Variants in DAB1 observed in about 807,000 individuals in gnomAD.
DAB1 encodes disabled homolog 1.
In DAB1, 15 loss-of-function variants were observed where a neutral mutation model predicts 64.6. That is an observed-to-expected ratio of 0.23 (90% CI 0.16 to 0.36). The LOEUF is 0.36. Ranked by LOEUF, DAB1 falls within the 10% of genes least tolerant of loss-of-function variation. DAB1 has a pLI of 1.00. For missense variants in DAB1, 596 were observed against 706.7 expected (o/e 0.84, Z 1.78); for synonymous variants, 235 against 251.9 (o/e 0.93, Z 0.64).
intron 3 of DAB1, among the ~76,000 whole-genome samples, chr1:58,485,388 G>A (rs1645560453): frequency 1.3e-5 from 2 of 151,692 alleles, no homozygotes; most frequent in African/African-American, 2.4e-5. Flanking sequence ...CTGAATAAAT[G>A]TACTTTGGAG....
intron 3 of DAB1, among the ~76,000 whole-genome samples, chr1:58,471,546 A>G (rs1243492184): frequency 6.6e-6 from 1 of 152,158 alleles, no homozygotes; most frequent in African/African-American, 2.4e-5. Context: ...GGCTGGTGAT[A>G]TGGTTTGGAT....
At chr1:58,378,870 T>C (rs1373240038) in intron 3 of DAB1, among the ~76,000 whole-genome samples, 1 of 81,138 alleles carries the variant, frequency 1.2e-5, no homozygotes, top group Non-Finnish European at 2.4e-5. Context: ...AGGTGTGGGA[T>C]ATAGTCTCGT....
At chr1:57,141,842 T>C (rs1658614479) in intron 3 of DAB1, among the ~76,000 whole-genome samples, 1 of 152,178 alleles carries the variant, frequency 6.6e-6, no homozygotes, top group South Asian at 2.1e-4. Flanking sequence ...TTTGGGAACC[T>C]CAATAAATTA....
chr1:58,118,467 G>GTC (rs1652484285), intron 5 of DAB1, among the ~76,000 whole-genome samples: 1 of 11,762 alleles, frequency 8.5e-5, no homozygotes, highest in Admixed American at 1.5e-3. Flanking sequence ...ACTATCCTAA[G>GTC]GCATATATAT....
chr1:57,789,444 C>A (rs1650490412), intron 6 of DAB1, among the ~76,000 whole-genome samples: 1 of 152,168 alleles, frequency 6.6e-6, no homozygotes, highest in Non-Finnish European at 1.5e-5. Flanking sequence ...AAATCTATTT[C>A]CCACAGTTGT....
chr1:57,325,219 C>A (rs1441091684), intron 1 of DAB1, among the ~76,000 whole-genome samples: 2 of 152,248 alleles, frequency 1.3e-5, no homozygotes, highest in Admixed American at 1.3e-4. Flanking sequence ...AGCTCCCATT[C>A]CCTTGGCACA....
chr1:57,196,570 G>A (rs777398083), intron 2 of DAB1, among the ~76,000 whole-genome samples: 22 of 152,146 alleles, frequency 1.4e-4, no homozygotes, highest in Non-Finnish European at 3.1e-4. Flanking sequence ...GCCCAACACG[G>A]GTGTAGGCAA....
chr1:57,910,586 G>A (rs1302804872), intron 5 of DAB1, among the ~76,000 whole-genome samples: 1 of 152,182 alleles, frequency 6.6e-6, no homozygotes, highest in African/African-American at 2.4e-5. Context: ...AAAGGTCAGG[G>A]GGAAGTTTTT....
At chr1:58,481,725 AG>A (rs1645486343) in intron 3 of DAB1, among the ~76,000 whole-genome samples, 2 of 152,118 alleles carry the variant, frequency 1.3e-5, no homozygotes, top group African/African-American at 2.4e-5. Flanking sequence ...TGAATCATGG[AG>A]GTGGGTGTTT....
chr1:57,703,785 TA>T (rs146684241), intron 6 of DAB1, among the ~76,000 whole-genome samples: 15,323 of 152,136 alleles, frequency 0.1, 2,258 homozygotes, highest in African/African-American at 0.33. Flanking sequence ...AGAATCAACC[TA>T]AATGCCCATC....
chr1:58,133,494 C>T (rs1049865611), intron 5 of DAB1, among the ~76,000 whole-genome samples: 2 of 152,210 alleles, frequency 1.3e-5, no homozygotes, highest in Admixed American at 6.5e-5. Context: ...TGAATCCCAT[C>T]TTCATCTCTA....
intron 1 of DAB1, among the ~76,000 whole-genome samples, chr1:57,392,500 C>T (rs1273937003): frequency 6.6e-6 from 1 of 152,176 alleles, no homozygotes; most frequent in Non-Finnish European, 1.5e-5. Flanking sequence ...CTGAGTGAAA[C>T]AATACTCCTT....
At chr1:57,529,587 C>T (rs1009931278) in intron 7 of DAB1, among the ~76,000 whole-genome samples, 36 of 152,042 alleles carry the variant, frequency 2.4e-4, no homozygotes, top group African/African-American at 8.5e-4. Flanking sequence ...TAATACCTGA[C>T]ACAATAGATT....
intron 1 of DAB1, among the ~76,000 whole-genome samples, chr1:57,335,156 T>C (rs1285791273): frequency 1.3e-5 from 2 of 152,182 alleles, no homozygotes; most frequent in Non-Finnish European, 1.5e-5. Flanking sequence ...GTTTCCTGGC[T>C]TTCTTCTGGA....
chr1:58,021,581 T>C (rs1266701272), intron 5 of DAB1, among the ~76,000 whole-genome samples: 2 of 151,674 alleles, frequency 1.3e-5, no homozygotes, highest in Non-Finnish European at 2.9e-5. Flanking sequence ...CATGGAAAAA[T>C]AAGAGGACTG....
chr1:57,349,367 G>A (rs2100854431), intron 1 of DAB1, among the ~76,000 whole-genome samples: 1 of 152,192 alleles, frequency 6.6e-6, no homozygotes. Context: ...GTGTGTGTGT[G>A]TGGCAGGGTC....
chr1:57,498,142 T>G (rs1167589275), intron 7 of DAB1, among the ~76,000 whole-genome samples: 1 of 152,218 alleles, frequency 6.6e-6, no homozygotes, highest in Admixed American at 6.5e-5. Flanking sequence ...TGCAGAGAGA[T>G]GGAGAATCCT....
At chr1:57,643,884 C>T (rs753319011) in intron 7 of DAB1, among the ~76,000 whole-genome samples, 2 of 152,094 alleles carry the variant, frequency 1.3e-5, no homozygotes, top group Non-Finnish European at 2.9e-5. Context: ...ACTCAGAGAA[C>T]GTCTGAAAAT....
intron 7 of DAB1, among the ~76,000 whole-genome samples, chr1:57,608,514 G>A (rs999074832): frequency 6.6e-6 from 1 of 152,150 alleles, no homozygotes; most frequent in Non-Finnish European, 1.5e-5. Context: ...GGCAGGCCGT[G>A]AGTAAAAACC....
Sources: allele counts gnomAD v4.1 joint callset (sites outside exome capture counted in the v4.1 genomes callset), GRCh38; gene constraint gnomAD v4.1.1; transcripts MANE v1.5; gene names NCBI Gene and HGNC (gene_info 2026-07-23, HGNC 2026-07-21).